DIDO1: variants seen among roughly 807,000 people sequenced by gnomAD.
The protein encoded by DIDO1 is death inducer-obliterator 1, also known as death-inducer obliterator 1.
DIDO1 carries 16 observed loss-of-function variants against 99.4 expected under a neutral mutation model. The observed-to-expected ratio is 0.16, with a 90% CI of 0.11 to 0.24. The LOEUF is 0.24. DIDO1 is among the 10% of genes least tolerant of loss of function. The probability of loss-of-function intolerance (pLI) is 1.00; values close to 1 mark genes in which losing one functional copy is unlikely to be tolerated. For missense variants in DIDO1, 2,996 were observed against 3,014.0 expected (o/e 0.99, Z 0.14); for synonymous variants, 1,366 against 1,239.1 (o/e 1.10, Z -2.15).
At chr20:62,900,366 T>C (rs1490555713) in intron 6 of DIDO1, among the ~76,000 whole-genome samples, 2 of 152,254 alleles carry the variant, frequency 1.3e-5, no homozygotes, top group African/African-American at 2.4e-5. Context: ...CACACTCTAA[T>C]TGGCCAATTT....
chr20:62,897,828 G>C (rs867870109), intron 6 of DIDO1, among the ~76,000 whole-genome samples: 1 of 152,334 alleles, frequency 6.6e-6, no homozygotes, highest in Middle Eastern at 3.4e-3. Context: ...CCAGGGGACA[G>C]ATGGCCAGGG....
chr20:62,879,895 G>T lies in DIDO1; in HGVS notation c.6061C>A (p.Pro2021Thr). The change falls in exon 16 of 16, where the codon CCG (proline) becomes ACG (threonine). Residue 2021 changes from proline (P) to threonine (T), a missense_variant. By Grantham distance (38) the Pro-to-Thr change is conservative. Transcript: ENST00000395343. This position sits in a 1 kb window ranked among gnomAD's most constrained non-coding sequence, Gnocchi z 6.3. ...AGCTCCAGCAGGGGCCTGGGGCCCG[G>T]CTTCATCACCTGCGGGGCCTGGCCC... The part of the protein sequence containing the change: ...FQGQAPQVMK[P>T]GPRPLLELPS... 6.3e-7 allele frequency: 1 copy of T among 1,587,156 alleles called. No homozygotes were observed. Among genetic ancestry groups the T allele is most frequent in the Non-Finnish European group, 8.6e-7 (1 of 1,169,320 alleles).
chr20:62,921,756 T>C (rs1282876384), intron 1 of DIDO1, among the ~76,000 whole-genome samples: 1 of 151,086 alleles, frequency 6.6e-6, no homozygotes, highest in Non-Finnish European at 1.5e-5. Flanking sequence ...TACCTCAGCC[T>C]CCTGAGTAAC....
intron 15 of DIDO1, chr20:62,890,205 C>T (rs2064369719): frequency 1.0e-6 from 1 of 985,834 alleles, no homozygotes; most frequent in African/African-American, 1.7e-5. Context: ...TGAGAGAACA[C>T]CAATCCTCTG....
At chr20:62,913,362 T>C (rs6010786) in intron 2 of DIDO1, among the ~76,000 whole-genome samples, 93,967 of 151,984 alleles carry the variant, frequency 0.62, 31,166 homozygotes, top group African/African-American at 0.87. Flanking sequence ...GCACTAGAGA[T>C]GGTGGTAAAC....
In DIDO1 at chr20:62,911,096, C is replaced by G; in HGVS notation, c.517G>C (p.Glu173Gln). The change falls in exon 3 of 16, where the codon GAA (glutamate) becomes CAA (glutamine). Residue 173 changes from glutamate to glutamine, a missense_variant. Coordinates refer to ENST00000395343, the MANE Select transcript of DIDO1 (RefSeq NM_001193369.2). This position sits in a 1 kb window ranked among gnomAD's most constrained non-coding sequence, Gnocchi z 7.0. ...ELQNRLRRKREQEPTERPLKG... is the reference protein window; with the variant it reads ...ELQNRLRRKRQQEPTERPLKG... Reference sequence around the variant, plus strand: ...AGGGGCCTCTCAGTGGGCTCCTGTTCCCGCTTCCTGCGAAGGCGATTCTGA... The same window carrying G: ...AGGGGCCTCTCAGTGGGCTCCTGTTGCCGCTTCCTGCGAAGGCGATTCTGA... 1 of 1,613,992 alleles carries G rather than the reference C, an allele frequency of 6.2e-7. No individual in the cohort carries two copies. Among genetic ancestry groups the G allele is most frequent in the Non-Finnish European group, 8.5e-7 (1 of 1,180,040 alleles).
rs370501840 is a variant in DIDO1, at chr20:62,882,428, T to C, written c.3542-14A>G. ...GTGACTCAAGACCTGAAAAACAAAA[T>C]ATTTGTGCAAATTTTAGAATCTAAA... is the stretch of plus-strand genomic sequence containing the variant. On this transcript the variant is annotated splice_polypyrimidine_tract_variant and intron_variant, in intron 15 of 15. Coordinates refer to ENST00000395343, the MANE Select transcript of DIDO1 (RefSeq NM_001193369.2). 5 of 1,592,256 alleles carry C rather than the reference T, an allele frequency of 3.1e-6. No individual in the cohort carries two copies. The highest frequency in any genetic ancestry group is 2.2e-5 in the East Asian group (1 of 44,614).
intron 15 of DIDO1, among the ~76,000 whole-genome samples, chr20:62,884,581 G>A (rs954582783): frequency 1.6e-4 from 24 of 152,198 alleles, no homozygotes; most frequent in African/African-American, 5.3e-4. Flanking sequence ...GCACCACCAT[G>A]TAGTTCTAAG....
chr20:62,915,579 C>A (rs1449147630), intron 1 of DIDO1, among the ~76,000 whole-genome samples: 1 of 152,208 alleles, frequency 6.6e-6, no homozygotes, highest in African/African-American at 2.4e-5. Flanking sequence ...GTCTCAAACT[C>A]CGGGGCTCAA....
At chr20:62,935,041 G>A (rs2065367907) in intron 1 of DIDO1, among the ~76,000 whole-genome samples, 1 of 152,122 alleles carries the variant, frequency 6.6e-6, no homozygotes. Context: ...AGCTTTAGAT[G>A]TGTCCCACAG....
At position 62,878,661 on chromosome 20, in the gene DIDO1, C is replaced by G. The variant is rs1200686710; in HGVS notation, c.*572G>C. 1 of 152,198 alleles carries G rather than the reference C, an allele frequency of 6.6e-6. No individual in the cohort carries two copies. The highest frequency in any genetic ancestry group is 6.5e-5 in the Admixed American group (1 of 15,276). 9.4% of individuals were successfully genotyped at this position (152,198 alleles called of 1,614,324 possible). ...AAATTGATAAGGTGATATATAAAAT[C>G]TGAGCACGCTAAGAAATGTGTTTCT... On this transcript the variant is annotated 3_prime_UTR_variant, in exon 16 of 16. Transcript: ENST00000395343.
chr20:62,917,231 A>G (rs1016591998), intron 1 of DIDO1, among the ~76,000 whole-genome samples: 4 of 151,936 alleles, frequency 2.6e-5, no homozygotes, highest in African/African-American at 9.7e-5. Context: ...GGGTCTTACT[A>G]TGTTGCCCAA....
At chr20:62,915,584 G>A (rs886939041) in intron 1 of DIDO1, among the ~76,000 whole-genome samples, 1 of 152,164 alleles carries the variant, frequency 6.6e-6, no homozygotes, top group Non-Finnish European at 1.5e-5. Flanking sequence ...AAACTCCGGG[G>A]CTCAAGTGAT....
intron 15 of DIDO1, among the ~76,000 whole-genome samples, chr20:62,883,548 C>T (rs998023601): frequency 2.0e-4 from 30 of 149,644 alleles, no homozygotes; most frequent in Admixed American, 1.7e-3. Context: ...AAAATTGGGC[C>T]GGGTACGGTG....
In DIDO1 at chr20:62,895,182, T is replaced by C; in HGVS notation, c.2215-17A>G. 2 of 1,582,204 alleles carry C rather than the reference T, an allele frequency of 1.3e-6. No individual in the cohort carries two copies. The highest frequency in any genetic ancestry group is 1.3e-5 in the African/African-American group (1 of 74,406). ...GAAGAGTCCCTATAAACAAGTATTT[T>C]TCATTTACTCAAATAATATTCCTAT... is the stretch of plus-strand genomic sequence containing the variant. On this transcript the variant is annotated splice_polypyrimidine_tract_variant and intron_variant, in intron 8 of 15. Transcript: ENST00000395343.
intron 6 of DIDO1, among the ~76,000 whole-genome samples, chr20:62,900,151 C>T (rs1009394802): frequency 6.6e-6 from 1 of 152,240 alleles, no homozygotes; most frequent in Admixed American, 6.5e-5. Context: ...CCTGGTCACA[C>T]CGCACAGCAC....
At chr20:62,889,831 C>T (rs6090153) in intron 15 of DIDO1, 215,690 of 985,264 alleles carry the variant, frequency 0.22, 24,110 homozygotes, top group East Asian at 0.27. Flanking sequence ...TTTAATGCAC[C>T]ACGCCAGCAA....
At chr20:62,906,234 T>TG (rs2064801652) in intron 5 of DIDO1, 134 bp from the exon 6 acceptor site, 1 of 1,197,796 alleles carries the variant, frequency 8.3e-7, no homozygotes, top group Non-Finnish European at 1.1e-6. Context: ...ATCCTGCGCC[T>TG]GCTTGGCAGC....
At position 62,907,352 on chromosome 20, in the gene DIDO1, T is replaced by C. The variant is rs2064830578; in HGVS notation, c.1169A>G (p.Glu390Gly). Reference sequence around the variant, plus strand: ...AATACATTTTGAGGCACCAGGCGCCTCTATCACCTGCAGAACAAAACAGAT... The same window carrying C: ...AATACATTTTGAGGCACCAGGCGCCCCTATCACCTGCAGAACAAAACAGAT... ...KKLKIFQPVI[E>G]APGASKCIGP... Residue 390 changes from glutamate to glycine, a missense_variant, in exon 5 of 16, where the codon GAG becomes GGG. Physicochemically the swap from Glu to Gly is moderately conservative, Grantham distance 98. Around this residue, in one of 5 missense-constraint regions of DIDO1, gnomAD observed 898 missense variants for 972.7 expected, o/e 0.92. Coordinates refer to ENST00000395343, the MANE Select transcript of DIDO1 (RefSeq NM_001193369.2). 1 of 1,613,830 alleles carries C rather than the reference T, an allele frequency of 6.2e-7. No homozygotes were observed. The highest frequency in any genetic ancestry group is 1.7e-5 in the Admixed American group (1 of 60,022).
Sources: gnomAD v4.1 joint callset for allele counts (sites outside exome capture counted in the v4.1 genomes callset) on GRCh38, gnomAD v4.1.1 for gene constraint, gnomAD v4.1.1 regional missense constraint, Gnocchi (gnomAD v3.1) non-coding constraint, MANE v1.5 for transcripts, NCBI Gene and HGNC (gene_info 2026-07-23, HGNC 2026-07-21) for gene names.